The following ZNF396 variants were observed in gnomAD, a reference collection of about 807,000 sequenced individuals.
ZNF396 encodes zinc finger protein 396.
In ZNF396, 14 loss-of-function variants were observed where a neutral mutation model predicts 20.5. The observed-to-expected ratio is 0.68, with a 90% CI of 0.45 to 1.07. The LOEUF (loss-of-function observed/expected upper bound fraction) is 1.07, where lower values mean the gene tolerates loss of function less well. Ranked by LOEUF, ZNF396 falls within the 50% of genes least tolerant of loss-of-function variation. The pLI, the probability that ZNF396 is intolerant of heterozygous loss-of-function variation, is 0.00. For synonymous variants in ZNF396, 119 were observed against 140.6 expected (o/e 0.85, Z 1.08); for missense variants, 347 against 390.1 (o/e 0.89, Z 0.93).
At chr18:35,373,767 T>G (rs2045217639) in intron 2 of ZNF396, 109 bp downstream of exon 2, 2 of 1,505,142 alleles carry the variant, frequency 1.3e-6, no homozygotes, top group South Asian at 2.6e-5. Flanking sequence ...TTCACCCCTA[T>G]ACATCCAGTT....
rs987401794 is a variant in ZNF396 at position 35,367,099 on chromosome 18, CTTG to C, written c.*2113_*2115del. On this transcript the variant is annotated 3_prime_UTR_variant, in exon 4 of 4. Transcript: ENST00000589332. Reference sequence around the variant, plus strand: ...TCACAATATATACATCTCTGAGGCACTTGTTGTTTCAATAGATGGTTTGTTCCT... The same window carrying C: ...TCACAATATATACATCTCTGAGGCACTTGTTTCAATAGATGGTTTGTTCCT... The C allele has an allele frequency of 3.3e-5, 5 of 152,170 alleles. No individual in the cohort carries two copies. The highest frequency in any genetic ancestry group is 1.3e-4 in the Admixed American group (2 of 15,282). 9.4% of individuals were successfully genotyped at this position (152,170 alleles called of 1,614,324 possible). A position where few individuals can be genotyped will look rare whatever the true frequency, so the allele number is the denominator to read the frequency against.
In ZNF396 at chr18:35,367,674, G is replaced by A. The variant is rs2045113734; in HGVS notation, c.*1541C>T. On this transcript the variant is annotated 3_prime_UTR_variant, in exon 4 of 4. Transcript: ENST00000589332. ...GTAATTTTAAACAGGGAATCTGGCT[G>A]AATTAAATGCAGGTAAAACATAGTT... The A allele has an allele frequency of 6.6e-6, 1 of 151,988 alleles. No homozygotes were observed. 9.4% of individuals were successfully genotyped at this position (151,988 alleles called of 1,614,324 possible). A position where few individuals can be genotyped will look rare whatever the true frequency, so the allele number is the denominator to read the frequency against.
chr18:35,368,834 T>C lies in ZNF396; in HGVS notation c.*381A>G, dbSNP rs1190357112. 1 of 1,002,432 alleles carries C rather than the reference T, an allele frequency of 1.0e-6. No individual in the cohort carries two copies. The highest frequency in any genetic ancestry group is 1.7e-5 in the African/African-American group (1 of 57,892). The allele number at this position is 1,002,432 out of a possible 1,614,324, so 62.1% of individuals were successfully genotyped here. On this transcript the variant is annotated 3_prime_UTR_variant, in exon 4 of 4. Coordinates refer to ENST00000589332, the MANE Select transcript of ZNF396 (RefSeq NM_001322286.2). ...ATGAAATGGAGGAGAATGTCTATTT[T>C]TACACTGAGTAACTCACACATTCCT...
rs2143887192 is a variant in ZNF396 at position 35,368,376 on chromosome 18, G to A, written c.*839C>T. 3 of 1,455,144 alleles carry A rather than the reference G, an allele frequency of 2.1e-6. No individual in the cohort carries two copies. The highest frequency in any genetic ancestry group is 2.7e-6 in the Non-Finnish European group (3 of 1,098,026). The allele number at this position is 1,455,144 out of a possible 1,614,324, so 90.1% of individuals were successfully genotyped here. ...TTATCTGCCTCCTGAAAGTGACCTG[G>A]GGCACTTCAGCCTAGTCTTGAAGTA... On this transcript the variant is annotated 3_prime_UTR_variant, in exon 4 of 4. Transcript: ENST00000589332.
In ZNF396 at chr18:35,368,320, C is replaced by T; in HGVS notation, c.*895G>A. The T allele has an allele frequency of 8.0e-7, 1 of 1,256,232 alleles. No homozygotes were observed. 77.8% of individuals were successfully genotyped at this position (1,256,232 alleles called of 1,614,324 possible). A position where few individuals can be genotyped will look rare whatever the true frequency, so the allele number is the denominator to read the frequency against. On this transcript the variant is annotated 3_prime_UTR_variant, in exon 4 of 4. Coordinates refer to ENST00000589332, the MANE Select transcript of ZNF396 (RefSeq NM_001322286.2). ...ACTTGATATTAATAGTATGGAGGCT[C>T]TTGTGTGCTTTCATAAGATAAGGCC... is the stretch of plus-strand genomic sequence containing the variant.
Position 35,370,317 on chromosome 18 carries a change from T to C in ZNF396, c.563-657A>G, listed in dbSNP as rs150543586. Among the ~76,000 whole-genome samples, 32 of 152,072 alleles carry C rather than the reference T, an allele frequency of 2.1e-4. No individual in the cohort carries two copies. The East Asian group carries it at 3.7e-3, about 17-fold the overall frequency. Reference sequence around the variant, plus strand: ...TATTTTGTATTACATTTAACATCCATGAAAAACGTACATGGCTGCTTATGG... The same window carrying C: ...TATTTTGTATTACATTTAACATCCACGAAAAACGTACATGGCTGCTTATGG... On this transcript the variant is annotated intron_variant, in intron 3 of 3. Coordinates refer to ENST00000589332, the MANE Select transcript of ZNF396 (RefSeq NM_001322286.2).
At position 35,373,465 on chromosome 18, in the gene ZNF396, T is replaced by C; in HGVS notation, c.553A>G (p.Arg185Gly). 1 of 1,613,950 alleles carries C rather than the reference T, an allele frequency of 6.2e-7. No individual in the cohort carries two copies. The highest frequency in any genetic ancestry group is 8.5e-7 in the Non-Finnish European group (1 of 1,179,954). Residue 185 changes from arginine (R) to glycine (G), a missense_variant, in exon 3 of 4, where the codon AGA becomes GGA. Physicochemically the swap from Arg to Gly is moderately radical, Grantham distance 125. Coordinates refer to ENST00000589332, the MANE Select transcript of ZNF396 (RefSeq NM_001322286.2). ...QGASWELQSL[R>G]PHDEDIKTTN... is the part of the protein sequence containing the mutation. ...AATCCTGCCCCCTCACCATGTGGTC[T>C]TAAGGACTGAAGCTCCCATGATGCT... is the stretch of plus-strand genomic sequence containing the variant.
chr18:35,369,460 C>G lies in ZNF396; in HGVS notation c.763G>C (p.Glu255Gln). 1 of 1,614,226 alleles carries G rather than the reference C, an allele frequency of 6.2e-7. No individual in the cohort carries two copies. Among genetic ancestry groups the G allele is most frequent in the Non-Finnish European group, 8.5e-7 (1 of 1,180,032 alleles). The stretch of plus-strand genomic sequence containing the variant: ...CTCTGACTAAAGATTTTGCCACATT[C>G]ATCACATTTCTGTTGTTTTTTCCAA... ...PSWKKQQKCD[E>Q]CGKIFSQSSA... The change falls in exon 4 of 4, where the codon GAA becomes CAA. Residue 255 changes from glutamate to glutamine, a missense_variant. By Grantham distance (29) the Glu-to-Gln change is conservative (BLOSUM62 2). Coordinates refer to ENST00000589332, the MANE Select transcript of ZNF396 (RefSeq NM_001322286.2).
In ZNF396 at chr18:35,374,244, CTGAAGTT is replaced by C; in HGVS notation, c.42_48del (p.Thr15ArgfsTer7). The C allele has an allele frequency of 1.2e-6, 2 of 1,614,182 alleles. No homozygotes were observed. Reference sequence around the variant, plus strand: ...TCTGTCAGAATCCCATTACACTCCTCTGAAGTTTGTGTTAGGAGTGATGATGACTTTC... The same window carrying C: ...TCTGTCAGAATCCCATTACACTCCTCTGTGTTAGGAGTGATGATGACTTTC... On this transcript the variant is annotated frameshift_variant, in exon 2 of 4. Coordinates refer to ENST00000589332, the MANE Select transcript of ZNF396 (RefSeq NM_001322286.2). LOFTEE classifies it high-confidence loss of function. This position sits in a 1 kb window ranked among gnomAD's most constrained non-coding sequence, Gnocchi z 4.3.
intron 1 of ZNF396, among the ~76,000 whole-genome samples, chr18:35,375,728 T>A (rs1382372350): frequency 6.6e-6 from 1 of 152,066 alleles, no homozygotes; most frequent in Non-Finnish European, 1.5e-5. Flanking sequence ...GTAACTAATC[T>A]CATTTTGTTG....
rs779445048 is a variant in ZNF396, at chr18:35,376,533, G to A, written c.-73+745C>T. Among the ~76,000 whole-genome samples the A allele has an allele frequency of 3.3e-5, 5 of 152,284 alleles. No homozygotes were observed. In the South Asian group the frequency reaches 1.0e-3, roughly 32 times the overall value. On this transcript the variant is annotated intron_variant, in intron 1 of 3. Transcript: ENST00000589332. ...GAGGCCATAGGCAGCAGGGGCCCTT[G>A]TGGTGACCCCTGCGCGTTGTCTCAG...
intron 3 of ZNF396, 24 bp from the exon 4 acceptor site, chr18:35,369,684 C>G (rs746086353): frequency 1.3e-6 from 2 of 1,566,210 alleles, no homozygotes; most frequent in Non-Finnish European, 1.7e-6. Context: ...ACAAATGTCA[C>G]CAGGAAAGAG....
chr18:35,375,269 A>AC (rs2045240472), intron 1 of ZNF396, among the ~76,000 whole-genome samples: 1 of 140,744 alleles, frequency 7.1e-6, no homozygotes, highest in Non-Finnish European at 1.5e-5. Context: ...ACATAATGGG[A>AC]CCCCATCTCT....
Position 35,368,815 on chromosome 18 carries a change from T to C in ZNF396, c.*400A>G. 1 of 995,514 alleles carries C rather than the reference T, an allele frequency of 1.0e-6. No homozygotes were observed. The highest frequency in any genetic ancestry group is 1.2e-6 in the Non-Finnish European group (1 of 837,136). The allele number at this position is 995,514 out of a possible 1,614,324, so 61.7% of individuals were successfully genotyped here. A position where few individuals can be genotyped will look rare whatever the true frequency, so the allele number is the denominator to read the frequency against. On this transcript the variant is annotated 3_prime_UTR_variant, in exon 4 of 4. Coordinates refer to ENST00000589332, the MANE Select transcript of ZNF396 (RefSeq NM_001322286.2). The stretch of plus-strand genomic sequence containing the variant: ...GAATTCTAGTGCTCAAGTTATGAAA[T>C]GGAGGAGAATGTCTATTTTTACACT...
At chr18:35,369,863 T>A (rs765605130) in intron 3 of ZNF396, among the ~76,000 whole-genome samples, 1 of 152,088 alleles carries the variant, frequency 6.6e-6, no homozygotes, top group Non-Finnish European at 1.5e-5. Context: ...AGTTGCAAAG[T>A]TCTATGGAAA....
Position 35,373,577 on chromosome 18 carries a change from G to A in ZNF396, c.441C>T (p.Asp147=). The A allele has an allele frequency of 1.2e-6, 2 of 1,614,114 alleles. No homozygotes were observed. The stretch of plus-strand genomic sequence containing the variant: ...AAGGTGCTAGCTTCTCTGCAATCAT[G>A]TCCTTCCTTCGTCCAAAAAAGATCT... The part of the protein sequence containing the change: ...PKQIFFGRRK[D]MIAEKLAPSE... The change falls in exon 3 of 4, where the codon GAC becomes GAT. Residue 147 remains aspartate (D), a synonymous_variant. Transcript: ENST00000589332.
Position 35,368,641 on chromosome 18 carries a change from G to A in ZNF396, c.*574C>T, listed in dbSNP as rs750100163. Reference sequence around the variant, plus strand: ...TAATTTTTTGAATTTTAGTAGAGACGGGGTTTCGCCGTGTTGTCCAGGCTG... The same window carrying A: ...TAATTTTTTGAATTTTAGTAGAGACAGGGTTTCGCCGTGTTGTCCAGGCTG... On this transcript the variant is annotated 3_prime_UTR_variant, in exon 4 of 4. Transcript: ENST00000589332. 467 of 622,604 alleles carry A rather than the reference G, an allele frequency of 7.5e-4. No homozygotes were observed. Among genetic ancestry groups the A allele is most frequent in the Non-Finnish European group, 9.0e-4 (446 of 495,642 alleles). The allele number at this position is 622,604 out of a possible 1,614,324, so 38.6% of individuals were successfully genotyped here. A position where few individuals can be genotyped will look rare whatever the true frequency, so the allele number is the denominator to read the frequency against.
rs1172321855 is a variant in ZNF396 at position 35,368,060 on chromosome 18, C to T, written c.*1155G>A. The T allele has an allele frequency of 5.3e-6, 1 of 187,900 alleles. No homozygotes were observed. Among genetic ancestry groups the T allele is most frequent in the Admixed American group, 6.1e-5 (1 of 16,450 alleles). 11.6% of individuals were successfully genotyped at this position (187,900 alleles called of 1,614,324 possible). A position where few individuals can be genotyped will look rare whatever the true frequency, so the allele number is the denominator to read the frequency against. On this transcript the variant is annotated 3_prime_UTR_variant, in exon 4 of 4. Transcript: ENST00000589332. The stretch of plus-strand genomic sequence containing the variant: ...GTACATCTCTCCGACACACACTGTA[C>T]TTGACAACACTTGTGGTACATCAGT...
Position 35,368,728 on chromosome 18 carries a change from A to G in ZNF396, c.*487T>C. The G allele has an allele frequency of 4.0e-6, 4 of 988,594 alleles. No individual in the cohort carries two copies. Among genetic ancestry groups the G allele is most frequent in the Non-Finnish European group, 4.8e-6 (4 of 832,096 alleles). 61.2% of individuals were successfully genotyped at this position (988,594 alleles called of 1,614,324 possible). A position where few individuals can be genotyped will look rare whatever the true frequency, so the allele number is the denominator to read the frequency against. On this transcript the variant is annotated 3_prime_UTR_variant, in exon 4 of 4. Coordinates refer to ENST00000589332, the MANE Select transcript of ZNF396 (RefSeq NM_001322286.2). ...CGGCCTCCCAAAGTGCTAGGATTAC[A>G]GGCATGAGCCAACCGCACCCAGCCA... is the stretch of plus-strand genomic sequence containing the variant.
Sources: allele counts gnomAD v4.1 joint callset (sites outside exome capture counted in the v4.1 genomes callset), GRCh38; gene constraint gnomAD v4.1.1; non-coding constraint Gnocchi (gnomAD v3.1); transcripts MANE v1.5; gene names NCBI Gene and HGNC (gene_info 2026-07-23, HGNC 2026-07-21).